Variants in AGMO observed in about 807,000 individuals in gnomAD.
AGMO encodes the protein alkylglycerol monooxygenase.
AGMO carries 75 observed loss-of-function variants against 60.2 expected under a neutral mutation model. The observed-to-expected ratio is 1.25, with a 90% CI of 1.03 to 1.51. The LOEUF (loss-of-function observed/expected upper bound fraction) is 1.51. Ranked by LOEUF, AGMO falls within the 40% of genes most tolerant of loss-of-function variation. The pLI is 0.00. For synonymous variants in AGMO, 261 were observed against 177.1 expected (o/e 1.47, Z -3.76); for missense variants, 763 against 525.5 (o/e 1.45, Z -4.42).
chr7:15,213,156 A>AT (rs551679624), intron 12 of AGMO, among the ~76,000 whole-genome samples: 15 of 150,802 alleles, frequency 9.9e-5, no homozygotes, highest in South Asian at 6.3e-4. Context: ...TAAAAATTCT[A>AT]TTTTTTTTTC....
At chr7:15,206,051 G>T (rs767103384) in intron 12 of AGMO, among the ~76,000 whole-genome samples, 2 of 151,612 alleles carry the variant, frequency 1.3e-5, no homozygotes, top group African/African-American at 2.4e-5. Flanking sequence ...CAATGTTTTG[G>T]TTTTTTTTGA....
intron 5 of AGMO, among the ~76,000 whole-genome samples, chr7:15,395,548 A>G (rs1483318237): frequency 6.6e-6 from 1 of 152,212 alleles, no homozygotes; most frequent in African/African-American, 2.4e-5. Flanking sequence ...AGCGTTGTAT[A>G]ACTGAAATAT....
intron 3 of AGMO, among the ~76,000 whole-genome samples, chr7:15,537,747 T>C (rs115832659): frequency 1.3e-5 from 2 of 152,284 alleles, no homozygotes; most frequent in African/African-American, 4.8e-5. Flanking sequence ...TCAAATGTAC[T>C]TTCTATACAT....
intron 3 of AGMO, among the ~76,000 whole-genome samples, chr7:15,439,269 C>T (rs529572765): frequency 3.9e-5 from 6 of 152,186 alleles, no homozygotes; most frequent in Non-Finnish European, 7.4e-5. Flanking sequence ...TGGTGGTGCA[C>T]ACCTGTAGTC....
At chr7:15,156,189 T>C in the AGMO span, among the ~76,000 whole-genome samples, 3 of 152,168 alleles carry the variant, frequency 2.0e-5, no homozygotes, top group African/African-American at 7.2e-5. Flanking sequence ...AAGTGCACAC[T>C]GGCAGGGAAA....
chr7:15,121,594 A>G, the AGMO span, among the ~76,000 whole-genome samples: 3 of 151,976 alleles, frequency 2.0e-5, no homozygotes, highest in South Asian at 6.2e-4. Context: ...TTTTTTTCAT[A>G]TATTTGTCAG....
chr7:15,521,472 A>G (rs1783983591), intron 3 of AGMO, among the ~76,000 whole-genome samples: 1 of 152,240 alleles, frequency 6.6e-6, no homozygotes, highest in South Asian at 2.1e-4. Flanking sequence ...AACCAAATCC[A>G]GCAGCACATT....
chr7:15,380,642 A>C (rs1189468130), intron 10 of AGMO, among the ~76,000 whole-genome samples: 1 of 151,618 alleles, frequency 6.6e-6, no homozygotes, highest in Non-Finnish European at 1.5e-5. Flanking sequence ...ACAGAACTAG[A>C]CAAACATTGT....
chr7:15,290,930 A>T (rs974459656), intron 12 of AGMO, among the ~76,000 whole-genome samples: 3 of 152,186 alleles, frequency 2.0e-5, no homozygotes, highest in Non-Finnish European at 4.4e-5. Context: ...AAGAAAAGAA[A>T]AGCTAGAAAA....
At chr7:15,233,101 C>T (rs148692211) in intron 12 of AGMO, among the ~76,000 whole-genome samples, 36 of 151,766 alleles carry the variant, frequency 2.4e-4, no homozygotes, top group Non-Finnish European at 3.5e-4. Flanking sequence ...ATTAACTGTC[C>T]GCAAAAAAAG....
chr7:15,451,883 G>T (rs1430178749), intron 3 of AGMO, among the ~76,000 whole-genome samples: 2 of 152,130 alleles, frequency 1.3e-5, no homozygotes, highest in East Asian at 1.9e-4. Flanking sequence ...GTTACAGGTT[G>T]GCATTTGCCT....
intron 12 of AGMO, among the ~76,000 whole-genome samples, chr7:15,350,524 G>A (rs1255246227): frequency 6.6e-6 from 1 of 152,098 alleles, no homozygotes; most frequent in East Asian, 1.9e-4. Flanking sequence ...AGAGCTTACA[G>A]TCACACCTGA....
chr7:15,307,144 C>A (rs1780638723), intron 12 of AGMO, among the ~76,000 whole-genome samples: 1 of 151,902 alleles, frequency 6.6e-6, no homozygotes. Context: ...ATTACAATAT[C>A]TTATTATCCA....
intron 3 of AGMO, among the ~76,000 whole-genome samples, chr7:15,540,203 C>T (rs1452765560): frequency 6.6e-6 from 1 of 152,168 alleles, no homozygotes; most frequent in Non-Finnish European, 1.5e-5. Flanking sequence ...TACACTCACA[C>T]CACCCCCAGG....
chr7:15,426,737 C>T (rs1781075052), intron 4 of AGMO, among the ~76,000 whole-genome samples: 1 of 149,992 alleles, frequency 6.7e-6, no homozygotes, highest in Non-Finnish European at 1.5e-5. Flanking sequence ...GACAGAGTGA[C>T]AATTTGTCAA....
At chr7:15,362,754 C>G (rs1782814377) in intron 12 of AGMO, among the ~76,000 whole-genome samples, 1 of 152,146 alleles carries the variant, frequency 6.6e-6, no homozygotes, top group Non-Finnish European at 1.5e-5. Context: ...GTAAATTATT[C>G]AAACCACGTG....
intron 2 of AGMO, among the ~76,000 whole-genome samples, chr7:15,557,415 G>T (rs772004328): frequency 4.5e-4 from 68 of 152,088 alleles, no homozygotes; most frequent in Non-Finnish European, 7.4e-4. Flanking sequence ...GATCATTGCC[G>T]TGTTAATCTA....
At chr7:15,139,944 T>C in the AGMO span, among the ~76,000 whole-genome samples, 11 of 150,860 alleles carry the variant, frequency 7.3e-5, no homozygotes, top group Non-Finnish European at 1.0e-4. Flanking sequence ...AAATATATTA[T>C]ATGTTAGAAC....
intron 3 of AGMO, among the ~76,000 whole-genome samples, chr7:15,525,994 C>G (rs1784119677): frequency 6.6e-6 from 1 of 152,200 alleles, no homozygotes; most frequent in Non-Finnish European, 1.5e-5. Context: ...GCATGGAACT[C>G]ACTCCTGTGC....
Sources: gnomAD v4.1 joint callset for allele counts (sites outside exome capture counted in the v4.1 genomes callset) on GRCh38, gnomAD v4.1.1 for gene constraint, MANE v1.5 for transcripts, NCBI Gene and HGNC (gene_info 2026-07-23, HGNC 2026-07-21) for gene names.